The following GABRB3 variants were observed in gnomAD, a reference collection of about 807,000 sequenced individuals.
GABRB3 encodes the protein gamma-aminobutyric acid receptor subunit beta-3.
Under a neutral mutation model 52.1 loss-of-function variants are expected in GABRB3, and 14 were observed. The observed-to-expected ratio is 0.27, with a 90% confidence interval of 0.18 to 0.42. The LOEUF is 0.42. GABRB3 is among the 10% of genes least tolerant of loss of function. The probability of loss-of-function intolerance (pLI) is 1.00; values close to 1 mark genes in which losing one functional copy is unlikely to be tolerated. For missense variants in GABRB3, 307 were observed against 609.1 expected, an observed-to-expected ratio of 0.50 and a Z score of 5.22; for synonymous variants, 260 against 232.3, an observed-to-expected ratio of 1.12 and a Z score of -1.08.
Position 26,772,879 on chromosome 15 carries a change from C to A in GABRB3, c.80+4G>T. ...GCCGCCCGCCGGCCCACCCGCGACC[C>A]TACCTCTGGGCGCAGCACACCACAG... On this transcript the variant is annotated splice_donor_region_variant and intron_variant, in intron 1 of 8. Coordinates refer to ENST00000311550, the MANE Select transcript of GABRB3 (RefSeq NM_000814.6). The A allele has an allele frequency of 6.8e-7, 1 of 1,474,342 alleles. No homozygotes were observed. Among genetic ancestry groups the A allele is most frequent in the East Asian group, 3.0e-5 (1 of 33,454 alleles). 91.3% of individuals were successfully genotyped at this position (1,474,342 alleles called of 1,614,324 possible).
chr15:26,705,063 T>C (rs1889056191), intron 3 of GABRB3, among the ~76,000 whole-genome samples: 1 of 152,224 alleles, frequency 6.6e-6, no homozygotes, highest in Non-Finnish European at 1.5e-5. Context: ...ACTTACCCTA[T>C]CAAGTCCTGC....
intron 3 of GABRB3, among the ~76,000 whole-genome samples, chr15:26,741,981 AC>A (rs1183605939): frequency 1.3e-5 from 2 of 152,204 alleles, no homozygotes; most frequent in Non-Finnish European, 2.9e-5. Context: ...AATCTCTGTA[AC>A]AATCATGTAA....
At chr15:26,578,102 C>T (rs751113498) in intron 6 of GABRB3, among the ~76,000 whole-genome samples, 5 of 152,090 alleles carry the variant, frequency 3.3e-5, no homozygotes, top group African/African-American at 4.8e-5. Flanking sequence ...TCCCCTTTTT[C>T]GGGAATACTC....
intron 5 of GABRB3, among the ~76,000 whole-genome samples, chr15:26,581,853 C>T (rs1053706581): frequency 2.0e-5 from 3 of 152,212 alleles, no homozygotes; most frequent in Non-Finnish European, 1.5e-5. Context: ...TGATTTTGGT[C>T]TAATGGCTTC....
chr15:26,552,283 A>C (rs1270036619), intron 8 of GABRB3, among the ~76,000 whole-genome samples: 1 of 152,210 alleles, frequency 6.6e-6, no homozygotes, highest in African/African-American at 2.4e-5. Flanking sequence ...CTGGGATTAC[A>C]AGTGTGAGCC....
intron 8 of GABRB3, among the ~76,000 whole-genome samples, chr15:26,554,178 A>T (rs868184995): frequency 2.7e-4 from 7 of 25,728 alleles, no homozygotes; most frequent in East Asian, 2.2e-3. Context: ...TATATAAAGT[A>T]TATATATATA....
At chr15:26,755,284 T>C (rs556965747) in intron 3 of GABRB3, among the ~76,000 whole-genome samples, 36 of 152,206 alleles carry the variant, frequency 2.4e-4, no homozygotes, top group Non-Finnish European at 1.6e-4. Context: ...GGATTACAGG[T>C]GTGAGCCACC....
At chr15:26,755,151 A>G (rs1352250817) in intron 3 of GABRB3, among the ~76,000 whole-genome samples, 1 of 151,856 alleles carries the variant, frequency 6.6e-6, no homozygotes, top group Non-Finnish European at 1.5e-5. Context: ...TTACAGGTGC[A>G]GGTCACCATG....
At chr15:26,670,146 G>A (rs1595520785) in intron 3 of GABRB3, among the ~76,000 whole-genome samples, 1 of 152,228 alleles carries the variant, frequency 6.6e-6, no homozygotes, top group African/African-American at 2.4e-5. Flanking sequence ...CTACAGGGCT[G>A]AGCGCGGAGA....
At chr15:26,769,675 T>C (rs763140569) in intron 3 of GABRB3, among the ~76,000 whole-genome samples, 28 of 152,156 alleles carry the variant, frequency 1.8e-4, no homozygotes, top group Non-Finnish European at 3.2e-4. Flanking sequence ...ATTCTATTCA[T>C]ACCCCTCACA....
chr15:26,564,899 A>C (rs898584652), intron 7 of GABRB3, among the ~76,000 whole-genome samples: 3 of 152,204 alleles, frequency 2.0e-5, no homozygotes, highest in Non-Finnish European at 4.4e-5. Context: ...CACTTTAGGA[A>C]TTATATGCAG....
At chr15:26,680,578 T>C (rs1268018818) in intron 3 of GABRB3, among the ~76,000 whole-genome samples, 1 of 152,216 alleles carries the variant, frequency 6.6e-6, no homozygotes, top group African/African-American at 2.4e-5. Flanking sequence ...GATGCTTACC[T>C]TTCAGAGTAA....
chr15:26,770,174 A>T (rs1329155833), intron 3 of GABRB3, among the ~76,000 whole-genome samples: 1 of 152,184 alleles, frequency 6.6e-6, no homozygotes, highest in East Asian at 1.9e-4. Flanking sequence ...TGACGTGACC[A>T]ATCTGCTTGT....
At chr15:26,701,660 C>T (rs982484511) in intron 3 of GABRB3, among the ~76,000 whole-genome samples, 23 of 152,186 alleles carry the variant, frequency 1.5e-4, no homozygotes, top group African/African-American at 5.5e-4. Flanking sequence ...AATTCTCCCC[C>T]AAGTTAACTG....
At chr15:26,585,746 C>T (rs1890958293) in intron 4 of GABRB3, among the ~76,000 whole-genome samples, 1 of 152,200 alleles carries the variant, frequency 6.6e-6, no homozygotes, top group African/African-American at 2.4e-5. Flanking sequence ...GAGTGCATTA[C>T]ATTCTGTGAT....
At chr15:26,722,577 A>C (rs1889669804) in intron 3 of GABRB3, among the ~76,000 whole-genome samples, 1 of 152,228 alleles carries the variant, frequency 6.6e-6, no homozygotes, top group Admixed American at 6.5e-5. Flanking sequence ...GTTAATATTC[A>C]GTCCTCGTAA....
chr15:26,683,675 C>T (rs184366031), intron 3 of GABRB3, among the ~76,000 whole-genome samples: 12 of 152,260 alleles, frequency 7.9e-5, no homozygotes, highest in African/African-American at 2.6e-4. Flanking sequence ...GAGTTTAGAC[C>T]TGAAAAACGC....
chr15:26,559,394 A>C (rs1190528913), intron 8 of GABRB3, among the ~76,000 whole-genome samples: 1 of 152,150 alleles, frequency 6.6e-6, no homozygotes, highest in East Asian at 1.9e-4. Flanking sequence ...CTTCCTGTAA[A>C]ACCTGCAGAA....
chr15:26,577,140 C>T (rs1890621550), intron 6 of GABRB3, among the ~76,000 whole-genome samples: 1 of 152,086 alleles, frequency 6.6e-6, no homozygotes, highest in South Asian at 2.1e-4. Context: ...GGGGCAGAGG[C>T]AGCCCTTAAG....
Sources: gnomAD v4.1 joint callset for allele counts (sites outside exome capture counted in the v4.1 genomes callset) on GRCh38, gnomAD v4.1.1 for gene constraint, MANE v1.5 for transcripts, NCBI Gene and HGNC (gene_info 2026-07-23, HGNC 2026-07-21) for gene names.